Variants in PPFIA2 observed in about 807,000 individuals in gnomAD.
PPFIA2 encodes the protein PPFI scaffold protein A2.
A neutral mutation model predicts 175.5 loss-of-function variants in PPFIA2; 46 were observed. That is an observed-to-expected ratio of 0.26 (90% CI 0.21 to 0.34). The LOEUF (loss-of-function observed/expected upper bound fraction) is 0.34. Ranked by LOEUF, PPFIA2 falls within the 10% of genes least tolerant of loss-of-function variation. PPFIA2 has a pLI of 1.00. For missense variants in PPFIA2, 1,179 were observed against 1,506.1 expected (o/e 0.78, Z 3.60); for synonymous variants, 568 against 511.4 (o/e 1.11, Z -1.49).
chr12:81,458,303 A>C (rs1374874011), intron 4 of PPFIA2, among the ~76,000 whole-genome samples: 2 of 152,130 alleles, frequency 1.3e-5, no homozygotes, highest in African/African-American at 4.8e-5. Context: ...GAAATTAACA[A>C]ATTTATTTGT....
intron 4 of PPFIA2, among the ~76,000 whole-genome samples, chr12:81,610,518 G>T (rs920104714): frequency 1.1e-4 from 17 of 152,058 alleles, no homozygotes; most frequent in African/African-American, 4.1e-4. Context: ...GGTCTGTTCT[G>T]CTGTTAATAC....
At chr12:81,727,511 C>T (rs566244438) in intron 3 of PPFIA2, among the ~76,000 whole-genome samples, 2 of 151,364 alleles carry the variant, frequency 1.3e-5, no homozygotes, top group South Asian at 2.1e-4. Flanking sequence ...TTGGGGATCT[C>T]TACTTTTGCT....
chr12:81,705,456 CAAAAAA>C (rs58602688), intron 3 of PPFIA2, among the ~76,000 whole-genome samples: 2 of 55,724 alleles, frequency 3.6e-5, no homozygotes, highest in African/African-American at 1.0e-4. Context: ...GACTAGGTCT[CAAAAAA>C]AAAAAAAAAA....
chr12:81,743,002 A>T (rs1432015732), intron 3 of PPFIA2, among the ~76,000 whole-genome samples: 1 of 152,176 alleles, frequency 6.6e-6, no homozygotes, highest in Middle Eastern at 3.2e-3. Context: ...GATGAAGTTG[A>T]TCTAAATTCA....
intron 4 of PPFIA2, among the ~76,000 whole-genome samples, chr12:81,671,176 C>T (rs574103973): frequency 3.9e-5 from 6 of 151,940 alleles, no homozygotes; most frequent in East Asian, 1.9e-4. Flanking sequence ...TTTCTTGTCA[C>T]GATGAATGGT....
chr12:81,651,157 A>G (rs2066962259), intron 4 of PPFIA2, among the ~76,000 whole-genome samples: 1 of 152,206 alleles, frequency 6.6e-6, no homozygotes, highest in Non-Finnish European at 1.5e-5. Context: ...AGGATATTAT[A>G]GTTTCATAAA....
chr12:81,449,398 G>T (rs1294834002), intron 5 of PPFIA2, among the ~76,000 whole-genome samples: 1 of 150,776 alleles, frequency 6.6e-6, no homozygotes, highest in African/African-American at 2.4e-5. Context: ...ATATAGATTT[G>T]CTTTCTCTAA....
intron 29 of PPFIA2, chr12:81,267,251 AG>A: frequency 1.7e-6 from 1 of 577,122 alleles, no homozygotes; most frequent in Non-Finnish European, 3.2e-6. Flanking sequence ...TAAACATCTG[AG>A]GTCAAGAGGC....
chr12:81,405,419 A>C (rs1175749137), intron 8 of PPFIA2, among the ~76,000 whole-genome samples: 1 of 152,130 alleles, frequency 6.6e-6, no homozygotes, highest in East Asian at 1.9e-4. Flanking sequence ...TCCTGCCTAT[A>C]TATGTACATA....
intron 4 of PPFIA2, among the ~76,000 whole-genome samples, chr12:81,638,282 T>C (rs2064387045): frequency 6.6e-6 from 1 of 152,092 alleles, no homozygotes; most frequent in South Asian, 2.1e-4. Context: ...CAGAACTATT[T>C]ACTAAAATAT....
At chr12:81,640,649 C>T (rs1010808000) in intron 4 of PPFIA2, among the ~76,000 whole-genome samples, 1 of 151,916 alleles carries the variant, frequency 6.6e-6, no homozygotes, top group African/African-American at 2.4e-5. Context: ...TAAACTTTGT[C>T]GAAAACAGAA....
intron 22 of PPFIA2, among the ~76,000 whole-genome samples, chr12:81,316,540 ATTATATC>A (rs796192867): frequency 7.3e-4 from 110 of 151,706 alleles, no homozygotes; most frequent in African/African-American, 2.5e-3. Context: ...CATTCACATT[ATTATATC>A]TTATATCAAA....
intron 4 of PPFIA2, among the ~76,000 whole-genome samples, chr12:81,535,049 A>C (rs2065183079): frequency 6.6e-6 from 1 of 151,690 alleles, no homozygotes; most frequent in Non-Finnish European, 1.5e-5. Context: ...CAAATATGTG[A>C]ACAATAAATT....
chr12:81,619,845 CA>C (rs2061830782), intron 4 of PPFIA2, among the ~76,000 whole-genome samples: 1 of 151,994 alleles, frequency 6.6e-6, no homozygotes, highest in South Asian at 2.1e-4. Context: ...TGGTCACAAA[CA>C]AAATAAATCT....
chr12:81,342,698 T>G (rs2058337004), intron 19 of PPFIA2, among the ~76,000 whole-genome samples: 1 of 152,068 alleles, frequency 6.6e-6, no homozygotes, highest in South Asian at 2.1e-4. Context: ...TCTGAACTAT[T>G]CCTAATACAT....
chr12:81,482,147 T>A (rs2058308204), intron 4 of PPFIA2, among the ~76,000 whole-genome samples: 1 of 152,132 alleles, frequency 6.6e-6, no homozygotes, highest in Non-Finnish European at 1.5e-5. Context: ...AAGCTCATCA[T>A]CACTGTTCAT....
At chr12:81,266,411 T>C (rs959090285) in intron 30 of PPFIA2, among the ~76,000 whole-genome samples, 7 of 152,206 alleles carry the variant, frequency 4.6e-5, no homozygotes, top group Admixed American at 4.6e-4. Flanking sequence ...GCACATATTA[T>C]ATAGCGATTC....
At chr12:81,726,038 T>G (rs1479317806) in intron 3 of PPFIA2, among the ~76,000 whole-genome samples, 1 of 151,084 alleles carries the variant, frequency 6.6e-6, no homozygotes, top group African/African-American at 2.4e-5. Flanking sequence ...ATGCCCTTGC[T>G]CCCTACTTCA....
chr12:81,720,472 C>T (rs1001103109), intron 3 of PPFIA2, among the ~76,000 whole-genome samples: 2 of 151,410 alleles, frequency 1.3e-5, no homozygotes, highest in African/African-American at 4.8e-5. Flanking sequence ...TCCCTGGTTT[C>T]CCTGCACAGC....
Sources: gnomAD v4.1 joint callset for allele counts (sites outside exome capture counted in the v4.1 genomes callset) on GRCh38, gnomAD v4.1.1 for gene constraint, MANE v1.5 for transcripts, NCBI Gene and HGNC (gene_info 2026-07-23, HGNC 2026-07-21) for gene names.